Variants in ACE observed in about 807,000 individuals in gnomAD.
ACE encodes the protein angiotensin I converting enzyme.
In ACE, 122 loss-of-function variants were observed where a neutral mutation model predicts 162.3. The observed-to-expected ratio is 0.75, with a 90% CI of 0.65 to 0.87. ACE has a LOEUF of 0.87. Ranked by LOEUF, ACE falls within the 40% of genes least tolerant of loss-of-function variation. The probability of loss-of-function intolerance (pLI) is 0.00; values close to 1 mark genes in which losing one functional copy is unlikely to be tolerated. For synonymous variants in ACE, 796 were observed against 720.6 expected, an observed-to-expected ratio of 1.10 and a Z score of -1.68; for missense variants, 1,799 against 1,735.1, an observed-to-expected ratio of 1.04 and a Z score of -0.65.
At position 63,483,927 on chromosome 17, in the gene ACE, C is replaced by T; in HGVS notation, c.1665C>T (p.His555=). The T allele has an allele frequency of 6.2e-7, 1 of 1,614,018 alleles. No homozygotes were observed. Among genetic ancestry groups the T allele is most frequent in the East Asian group, 2.2e-5 (1 of 44,894 alleles). ...CKEAGYEGPL[H]QCDIYRSTKA... is the part of the protein sequence containing the mutation. ...AGGCAGGCTATGAGGGCCCACTGCA[C>T]CAGTGTGACATCTACCGGTCCACCA... The change falls in exon 11 of 25, where the codon CAC becomes CAT. Residue 555 remains histidine, a synonymous_variant. Transcript: ENST00000290866.
Position 63,493,477 on chromosome 17 carries a change from T to C in ACE, c.2954T>C (p.Val985Ala). 1 of 1,613,216 alleles carries C rather than the reference T, an allele frequency of 6.2e-7. No homozygotes were observed. The highest frequency in any genetic ancestry group is 8.5e-7 in the Non-Finnish European group (1 of 1,179,850). ...CTTVNLEDLV[V>A]AHHEMGHIQY... The stretch of plus-strand genomic sequence containing the variant: ...ACCGTGAACTTGGAGGACCTGGTGG[T>C]GGCCCACCACGAAATGGGCCACATC... Residue 985 changes from valine to alanine, a missense_variant, in exon 20 of 25, where the codon GTG becomes GCG. By Grantham distance (64) the Val-to-Ala change is moderately conservative (BLOSUM62 0). Coordinates refer to ENST00000290866, the MANE Select transcript of ACE (RefSeq NM_000789.4).
chr17:63,485,258 G>A lies in ACE; in HGVS notation c.1944G>A (p.Glu648=). ...EGIDLVTDEA[E]ASKFVEEYDR... Reference sequence around the variant, plus strand: ...CAGACCTGGTGACTGATGAGGCTGAGGCCAGCAAGTTTGTGGAGGAATATG... The same window carrying A: ...CAGACCTGGTGACTGATGAGGCTGAAGCCAGCAAGTTTGTGGAGGAATATG... The change falls in exon 13 of 25, where the codon GAG becomes GAA. Residue 648 remains glutamate, a synonymous_variant. Transcript: ENST00000290866. 2 of 1,614,146 alleles carry A rather than the reference G, an allele frequency of 1.2e-6. No homozygotes were observed. Among genetic ancestry groups the A allele is most frequent in the Non-Finnish European group, 1.7e-6 (2 of 1,180,034 alleles).
intron 17 of ACE, 35 bp downstream of exon 17, chr17:63,489,167 G>A: frequency 2.5e-6 from 4 of 1,598,630 alleles, no homozygotes; most frequent in South Asian, 1.1e-5. Flanking sequence ...GGAGGGTAAA[G>A]ACGGACCACA....
rs779907934 is a variant in ACE, at chr17:63,481,161, C to G, written c.918C>G (p.Leu306=). Residue 306 remains leucine, a synonymous_variant, in exon 6 of 25, where the codon CTC becomes CTG. Coordinates refer to ENST00000290866, the MANE Select transcript of ACE (RefSeq NM_000789.4). ...TGCCTTTCCCAGACAAGCCCAACCT[C>G]GATGTCACCAGTACTATGCTGCAGC... is the stretch of plus-strand genomic sequence containing the variant. ...MVVPFPDKPN[L]DVTSTMLQQG... The G allele has an allele frequency of 3.1e-6, 5 of 1,612,478 alleles. No homozygotes were observed. The highest frequency in any genetic ancestry group is 4.2e-6 in the Non-Finnish European group (5 of 1,179,860).
intron 12 of ACE, chr17:63,485,005 A>G: frequency 6.2e-7 from 1 of 1,611,036 alleles, no homozygotes; most frequent in Non-Finnish European, 8.5e-7. Context: ...GCCAGGCAAC[A>G]ACCAGCAGCC....
Position 63,497,329 on chromosome 17 carries a change from C to A in ACE, c.3884C>A (p.Pro1295His). 2.6e-6 allele frequency: 4 copies of A among 1,548,904 alleles called. No homozygotes were observed. Among genetic ancestry groups the A allele is most frequent in the Non-Finnish European group, 1.7e-6 (2 of 1,147,200 alleles). Residue 1295 changes from proline to histidine, a missense_variant, in exon 25 of 25, where the codon CCC becomes CAC. Pro to His is a moderately conservative substitution (Grantham distance 77). Coordinates refer to ENST00000290866, the MANE Select transcript of ACE (RefSeq NM_000789.4). ...AGCCTCCACCGGCACTCCCACGGGC[C>A]CCAGTTCGGCTCCGAGGTGGAGCTG... ...HRSLHRHSHG[P>H]QFGSEVELRH...
chr17:63,479,085 T>C lies in ACE; in HGVS notation c.496T>C (p.Trp166Arg), dbSNP rs1015195326. Residue 166 changes from tryptophan to arginine, a missense_variant, in exon 3 of 25, where the codon TGG (tryptophan) becomes CGG (arginine). Coordinates refer to ENST00000290866, the MANE Select transcript of ACE (RefSeq NM_000789.4). ...CCTCCCCAACAAGACTGCCACCTGC[T>C]GGTCCCTGGACCCAGGTACGGCCCT... is the stretch of plus-strand genomic sequence containing the variant. The part of the protein sequence containing the change: ...VCLPNKTATC[W>R]SLDPDLTNIL... 2 of 1,613,112 alleles carry C rather than the reference T, an allele frequency of 1.2e-6. No homozygotes were observed. Among genetic ancestry groups the C allele is most frequent in the African/African-American group, 1.3e-5 (1 of 74,804 alleles).
intron 22 of ACE, 67 bp downstream of exon 22, chr17:63,494,537 C>G: frequency 7.1e-7 from 1 of 1,407,022 alleles, no homozygotes; most frequent in African/African-American, 1.4e-5. Flanking sequence ...TCAACTGCGG[C>G]CACTGCCCGG....
chr17:63,480,984 AGG>A, intron 5 of ACE, 105 bp from the exon 6 acceptor site: 1 of 1,079,154 alleles, frequency 9.3e-7, no homozygotes, highest in Non-Finnish European at 1.4e-6. Context: ...GCAGCCCTTG[AGG>A]GCCCCAGGGT....
intron 17 of ACE, chr17:63,490,223 T>G (rs1163227098): frequency 6.5e-6 from 1 of 153,050 alleles, no homozygotes; most frequent in Non-Finnish European, 1.5e-5. Context: ...GGAAAGAGCC[T>G]TGAGTCCAAA....
rs1421536239 is a variant in ACE at position 63,483,808 on chromosome 17, G to GC, written c.1587-35dup. The GC allele has an allele frequency of 3.1e-6, 5 of 1,613,184 alleles. No individual in the cohort carries two copies. The African/African-American group carries it at 5.3e-5, about 17-fold the overall frequency. Reference sequence around the variant, plus strand: ...CCTGGGTAAGGAACCCCTGTTCCTGGCCCCCCATGATCTTCCCTGACTCCC... The same window carrying GC: ...CCTGGGTAAGGAACCCCTGTTCCTGGCCCCCCCATGATCTTCCCTGACTCCC... On this transcript the variant is annotated intron_variant, in intron 10 of 24. Transcript: ENST00000290866.
intron 22 of ACE, among the ~76,000 whole-genome samples, chr17:63,494,770 G>A (rs1226141191): frequency 6.6e-6 from 1 of 152,230 alleles, no homozygotes; most frequent in Non-Finnish European, 1.5e-5. Flanking sequence ...CTCATGGCTG[G>A]ATCATGAGCT....
rs1446625916 is a variant in ACE, at chr17:63,483,161, G to A, written c.1475G>A (p.Trp492Ter). The change falls in exon 9 of 25, where the codon TGG becomes TAG. Residue 492 changes from tryptophan (W) to a stop codon, truncating the protein, a stop_gained. Transcript: ENST00000290866. LOFTEE classifies it high-confidence loss of function. The part of the protein sequence containing the change: ...RTPPSRYNFD[W>*]WYLRTKYQGI... ...CCCCCTTCCCGCTACAACTTCGACTGGTGGTATCTTCGGTGAGAGGAGGGA... is the reference window on the plus strand; with the variant it reads ...CCCCCTTCCCGCTACAACTTCGACTAGTGGTATCTTCGGTGAGAGGAGGGA... 4 of 1,613,854 alleles carry A rather than the reference G, an allele frequency of 2.5e-6. No homozygotes were observed. The highest frequency in any genetic ancestry group is 3.4e-6 in the Non-Finnish European group (4 of 1,180,024).
chr17:63,478,989 T>TCC lies in ACE; in HGVS notation c.418-15_418-14dup. The TCC allele has an allele frequency of 6.2e-7, 1 of 1,608,116 alleles. No individual in the cohort carries two copies. Among genetic ancestry groups the TCC allele is most frequent in the Non-Finnish European group, 8.5e-7 (1 of 1,175,768 alleles). On this transcript the variant is annotated splice_polypyrimidine_tract_variant and intron_variant, in intron 2 of 24. Coordinates refer to ENST00000290866, the MANE Select transcript of ACE (RefSeq NM_000789.4). ...CAGGGGCTGGTCACTGGAGCATTCC[T>TCC]CCCCTCTGACTCCCCAGTACAACGC...
Sources: allele counts gnomAD v4.1 joint callset (sites outside exome capture counted in the v4.1 genomes callset), GRCh38; gene constraint gnomAD v4.1.1; transcripts MANE v1.5; gene names NCBI Gene and HGNC (gene_info 2026-07-23, HGNC 2026-07-21).